Variants in TFAP2B observed in about 807,000 individuals in gnomAD.
TFAP2B encodes transcription factor AP-2-beta.
A neutral mutation model predicts 44.3 loss-of-function variants in TFAP2B; 9 were observed. The observed-to-expected ratio is 0.20, with a 90% CI of 0.12 to 0.35. The LOEUF is 0.35. TFAP2B is among the 10% of genes least tolerant of loss of function. The probability of loss-of-function intolerance (pLI) is 1.00; values close to 1 mark genes in which losing one functional copy is unlikely to be tolerated. For synonymous variants in TFAP2B, 270 were observed against 263.8 expected (o/e 1.02, Z -0.23); for missense variants, 509 against 600.0 (o/e 0.85, Z 1.59).
At chr6:50,829,327 T>C (rs1042764589) in intron 3 of TFAP2B, among the ~76,000 whole-genome samples, 3 of 152,350 alleles carry the variant, frequency 2.0e-5, no homozygotes, top group Non-Finnish European at 2.9e-5. Flanking sequence ...TTGCAGTCTC[T>C]TGTACAGCTG....
At chr6:50,841,232 G>A (rs1489620727) in intron 6 of TFAP2B, among the ~76,000 whole-genome samples, 2 of 152,154 alleles carry the variant, frequency 1.3e-5, no homozygotes, top group African/African-American at 4.8e-5. Context: ...GTTCTCCCCA[G>A]TTCAGAATGT....
chr6:50,826,403 G>A (rs1699809763), intron 2 of TFAP2B, among the ~76,000 whole-genome samples: 2 of 152,200 alleles, frequency 1.3e-5, no homozygotes, highest in African/African-American at 4.8e-5. Context: ...CCCACCATGA[G>A]AGAAGAGAAA....
At chr6:50,831,902 G>A (rs1410315513) in intron 3 of TFAP2B, among the ~76,000 whole-genome samples, 2 of 152,122 alleles carry the variant, frequency 1.3e-5, no homozygotes, top group African/African-American at 4.8e-5. Context: ...TTGGTCTTAG[G>A]GATATCCTGT....
Position 50,843,301 on chromosome 6 carries a change from T to G in TFAP2B, c.1292T>G (p.Met431Arg), listed in dbSNP as rs1258272477. The change falls in exon 7 of 7, where the codon ATG becomes AGG. Residue 431 changes from methionine to arginine, a missense_variant. Around this residue, in one of 3 missense-constraint regions of TFAP2B, gnomAD observed 168 missense variants for 183.2 expected, o/e 0.92. Transcript: ENST00000393655. ...GAGGCGCTCAAAGGCATGGACAAGA[T>G]GTTCTTGAACAACACCACCACTAAC... ...LTEALKGMDKMFLNNTTTNRH... is the reference protein window; with the variant it reads ...LTEALKGMDKRFLNNTTTNRH... The G allele has an allele frequency of 6.2e-7, 1 of 1,614,040 alleles. No homozygotes were observed. The highest frequency in any genetic ancestry group is 2.2e-5 in the East Asian group (1 of 44,848).
chr6:50,823,524 C>A lies in TFAP2B; in HGVS notation c.199C>A (p.Pro67Thr). The change falls in exon 2 of 7, where the codon CCG becomes ACG. Residue 67 changes from proline (P) to threonine (T), a missense_variant. This residue lies in a region of TFAP2B where 296 missense variants were observed against 308.2 expected (regional missense o/e 0.96). Transcript: ENST00000393655. ...CCACACCCCGTCGTCGGACTTCCAG[C>A]CGCCCTACTTCCCACCCCCCTACCA... ...LSHTPSSDFQPPYFPPPYQPL... is the reference protein window; with the variant it reads ...LSHTPSSDFQTPYFPPPYQPL... 1 of 1,613,806 alleles carries A rather than the reference C, an allele frequency of 6.2e-7. No homozygotes were observed. Among genetic ancestry groups the A allele is most frequent in the Non-Finnish European group, 8.5e-7 (1 of 1,179,920 alleles).
At chr6:50,820,024 C>G (rs1225355671) in intron 1 of TFAP2B, among the ~76,000 whole-genome samples, 1 of 151,724 alleles carries the variant, frequency 6.6e-6, no homozygotes, top group African/African-American at 2.4e-5. Flanking sequence ...GCTGAGACGT[C>G]GAGGTTGGAA....
rs1478546143 is a variant in TFAP2B, at chr6:50,845,983, G to GCCGGCT, written c.*2594_*2599dup. The GCCGGCT allele has an allele frequency of 6.6e-6, 1 of 152,656 alleles. No individual in the cohort carries two copies. Among genetic ancestry groups the GCCGGCT allele is most frequent in the Non-Finnish European group, 1.5e-5 (1 of 68,104 alleles). 9.5% of individuals were successfully genotyped at this position (152,656 alleles called of 1,614,324 possible). Reference sequence around the variant, plus strand: ...AGCGCCGCCAGCGGCCACCCGGGGCGCCGGCTCCTGGAGGGAGAGTGGCCT... The same window carrying GCCGGCT: ...AGCGCCGCCAGCGGCCACCCGGGGCGCCGGCTCCGGCTCCTGGAGGGAGAGTGGCCT... On this transcript the variant is annotated 3_prime_UTR_variant, in exon 7 of 7. Transcript: ENST00000393655.
At position 50,847,094 on chromosome 6, in the gene TFAP2B, G is replaced by C. The variant is rs960065848; in HGVS notation, c.*3702G>C. 1 of 152,458 alleles carries C rather than the reference G, an allele frequency of 6.6e-6. No individual in the cohort carries two copies. The highest frequency in any genetic ancestry group is 2.4e-5 in the African/African-American group (1 of 41,388). The allele number at this position is 152,458 out of a possible 1,614,324, so 9.4% of individuals were successfully genotyped here. ...ATATCCTGTACTTGTAATACATTAT[G>C]TGGAAAGGAAATAACCTTAAACCGT... On this transcript the variant is annotated 3_prime_UTR_variant, in exon 7 of 7. Coordinates refer to ENST00000393655, the MANE Select transcript of TFAP2B (RefSeq NM_003221.4).
intron 1 of TFAP2B, among the ~76,000 whole-genome samples, chr6:50,820,465 G>C (rs1203103266): frequency 6.6e-6 from 1 of 152,268 alleles, no homozygotes. Context: ...GGAGATAAGA[G>C]AGGAGAGGGA....
At chr6:50,830,368 A>C (rs1770640930) in intron 3 of TFAP2B, 2 of 935,424 alleles carry the variant, frequency 2.1e-6, no homozygotes, top group South Asian at 4.9e-5. Context: ...TAGATGTGGG[A>C]TGCTTTGGTT....
upstream of TFAP2B, among the ~76,000 whole-genome samples, chr6:50,818,480 G>T (rs533129540): frequency 3.6e-4 from 55 of 152,262 alleles, no homozygotes; most frequent in African/African-American, 1.3e-3. Flanking sequence ...ATTATGAATT[G>T]CAAAGACTTC....
At chr6:50,818,842 C>G, upstream of TFAP2B, 3 of 1,555,452 alleles carry the variant, frequency 1.9e-6, no homozygotes, top group Non-Finnish European at 2.7e-6. Flanking sequence ...ATAGATGGAT[C>G]ATTACAGACA....
At chr6:50,836,401 T>G in intron 4 of TFAP2B, 121 bp downstream of exon 4, 1 of 920,980 alleles carries the variant, frequency 1.1e-6, no homozygotes, top group Non-Finnish European at 1.7e-6. Flanking sequence ...CTGACGCAGT[T>G]GCCTAGCAAC....
At position 50,844,961 on chromosome 6, in the gene TFAP2B, C is replaced by G. The variant is rs1332604806; in HGVS notation, c.*1569C>G. Reference sequence around the variant, plus strand: ...GTATTTCAGCTTTGATTTTTACCGTCTGGATACATCGGGACTATTCCCAGT... The same window carrying G: ...GTATTTCAGCTTTGATTTTTACCGTGTGGATACATCGGGACTATTCCCAGT... On this transcript the variant is annotated 3_prime_UTR_variant, in exon 7 of 7. Coordinates refer to ENST00000393655, the MANE Select transcript of TFAP2B (RefSeq NM_003221.4). The G allele has an allele frequency of 2.0e-5, 3 of 152,192 alleles. No homozygotes were observed. Among genetic ancestry groups the G allele is most frequent in the Non-Finnish European group, 4.4e-5 (3 of 68,044 alleles). The allele number at this position is 152,192 out of a possible 1,614,324, so 9.4% of individuals were successfully genotyped here.
At chr6:50,832,118 G>A (rs943674500) in intron 3 of TFAP2B, among the ~76,000 whole-genome samples, 5 of 152,140 alleles carry the variant, frequency 3.3e-5, no homozygotes, top group Admixed American at 1.3e-4. Flanking sequence ...GTCTCTGAAC[G>A]GTATGAGTTT....
intron 2 of TFAP2B, among the ~76,000 whole-genome samples, chr6:50,824,182 A>G (rs546915091): frequency 6.6e-6 from 1 of 152,194 alleles, no homozygotes; most frequent in Non-Finnish European, 1.5e-5. Context: ...CTCAGCTACC[A>G]TCTCCTGCAT....
In TFAP2B at chr6:50,843,401, T is replaced by A. The variant is rs777600820; in HGVS notation, c.*9T>A. 14 of 1,609,888 alleles carry A rather than the reference T, an allele frequency of 8.7e-6. No individual in the cohort carries two copies. The highest frequency in any genetic ancestry group is 1.1e-5 in the Non-Finnish European group (13 of 1,178,966). ...AGAAACACAGGAAATGAAAAATTTT[T>A]AAAAAAAGAAGGAAAAATGTTTTAA... On this transcript the variant is annotated 3_prime_UTR_variant, in exon 7 of 7. Transcript: ENST00000393655.
At chr6:50,838,676 A>G (rs930991163) in intron 5 of TFAP2B, among the ~76,000 whole-genome samples, 7 of 152,202 alleles carry the variant, frequency 4.6e-5, no homozygotes, top group East Asian at 1.9e-4. Flanking sequence ...AGATTCATCA[A>G]TTGTGAATTA....
intron 2 of TFAP2B, among the ~76,000 whole-genome samples, chr6:50,826,119 A>G (rs577659610): frequency 1.8e-4 from 28 of 152,172 alleles, no homozygotes; most frequent in Non-Finnish European, 2.8e-4. Flanking sequence ...AAGTTACACA[A>G]GCAGGTTGGG....
Sources: gnomAD v4.1 joint callset for allele counts (sites outside exome capture counted in the v4.1 genomes callset) on GRCh38, gnomAD v4.1.1 for gene constraint, gnomAD v4.1.1 regional missense constraint, MANE v1.5 for transcripts, NCBI Gene and HGNC (gene_info 2026-07-23, HGNC 2026-07-21) for gene names.